PTBP3: variants seen among roughly 807,000 people sequenced by gnomAD.
The protein encoded by PTBP3 is polypyrimidine tract binding protein 3.
PTBP3 carries 20 observed loss-of-function variants against 58.7 expected under a neutral mutation model. That is an observed-to-expected ratio of 0.34 (90% CI 0.24 to 0.50). The LOEUF is 0.50. Among genes scored for constraint, PTBP3 ranks in the 20% least tolerant of loss-of-function variants. The probability of loss-of-function intolerance (pLI) is 0.98; values close to 1 mark genes in which losing one functional copy is unlikely to be tolerated. For synonymous variants in PTBP3, 185 were observed against 219.8 expected, an observed-to-expected ratio of 0.84 and a Z score of 1.40; for missense variants, 509 against 637.2, an observed-to-expected ratio of 0.80 and a Z score of 2.17.
the PTBP3 span, among the ~76,000 whole-genome samples, chr9:112,362,345 T>C: frequency 1.3e-5 from 2 of 152,186 alleles, no homozygotes; most frequent in African/African-American, 4.8e-5. Flanking sequence ...GCCCATTTTT[T>C]AGTTGGGTTG....
At chr9:112,263,035 T>C (rs550522490) in intron 4 of PTBP3, among the ~76,000 whole-genome samples, 1 of 152,218 alleles carries the variant, frequency 6.6e-6, no homozygotes, top group South Asian at 2.1e-4. Flanking sequence ...ATTCCAGAAC[T>C]GGGGCCCAGA....
the PTBP3 span, among the ~76,000 whole-genome samples, chr9:112,359,740 TTGCC>T: frequency 5.3e-5 from 8 of 151,832 alleles, no homozygotes; most frequent in Admixed American, 3.3e-4. Context: ...GAGGCGGAGG[TTGCC>T]GGGAGGCGGA....
intron 7 of PTBP3, among the ~76,000 whole-genome samples, chr9:112,249,815 G>C (rs953316008): frequency 1.3e-4 from 15 of 117,688 alleles, no homozygotes; most frequent in Non-Finnish European, 1.9e-4. Flanking sequence ...ACTTTAATTT[G>C]CCCCAGTATT....
intron 1 of PTBP3, among the ~76,000 whole-genome samples, chr9:112,328,413 C>A (rs561257551): frequency 4.5e-4 from 69 of 152,316 alleles, no homozygotes; most frequent in African/African-American, 1.6e-3. Flanking sequence ...ATAAGCTTAT[C>A]TTCTCTTCAG....
At position 112,219,441 on chromosome 9, in the gene PTBP3, C is replaced by T. The variant is rs1232494915; in HGVS notation, c.*4410G>A. Reference sequence around the variant, plus strand: ...AATGCTGATTTAAGCATGCCATAGGCATCTTTCAATTATGACTATGATCAC... The same window carrying T: ...AATGCTGATTTAAGCATGCCATAGGTATCTTTCAATTATGACTATGATCAC... On this transcript the variant is annotated 3_prime_UTR_variant, in exon 14 of 14. Coordinates refer to ENST00000374257, the MANE Select transcript of PTBP3 (RefSeq NM_001163788.4). The T allele has an allele frequency of 1.3e-5, 2 of 152,456 alleles. No homozygotes were observed. Among genetic ancestry groups the T allele is most frequent in the Non-Finnish European group, 1.5e-5 (1 of 68,042 alleles). The allele number at this position is 152,456 out of a possible 1,614,324, so 9.4% of individuals were successfully genotyped here.
rs770405044 is a variant in PTBP3 at position 112,227,413 on chromosome 9, A to C, written c.1362T>G (p.Ile454Met). ...TTAATAACTTATTAGGTACATACGG[A>C]ATGTTGGAAAGATGCAGAGTGGCTG... Reference protein sequence around the residue: ...PPSATLHLSNIPPSVTVDDLK... With the variant: ...PPSATLHLSNMPPSVTVDDLK... Residue 454 changes from isoleucine (I) to methionine (M), a missense_variant and splice_region_variant, in exon 12 of 14, where the codon ATT (isoleucine) becomes ATG (methionine). Physicochemically the swap from Ile to Met is conservative, Grantham distance 10 (BLOSUM62 1). Coordinates refer to ENST00000374257, the MANE Select transcript of PTBP3 (RefSeq NM_001163788.4). 6.2e-7 allele frequency: 1 copy of C among 1,612,532 alleles called. No homozygotes were observed. Among genetic ancestry groups the C allele is most frequent in the African/African-American group, 1.3e-5 (1 of 74,892 alleles).
chr9:112,286,013 G>C (rs191813438), intron 2 of PTBP3, among the ~76,000 whole-genome samples: 266 of 152,258 alleles, frequency 1.7e-3, no homozygotes, highest in African/African-American at 5.9e-3. Flanking sequence ...TCTATATTTA[G>C]ATTATGTCTA....
chr9:112,302,582 CTTTTTTTTTTTTT>C (rs369208342), intron 1 of PTBP3, among the ~76,000 whole-genome samples: 7 of 110,494 alleles, frequency 6.3e-5, no homozygotes, highest in Non-Finnish European at 7.2e-5. Flanking sequence ...TATTCTTCAT[CTTTTTTTTTTTTT>C]TTTTTTTTTT....
intron 1 of PTBP3, among the ~76,000 whole-genome samples, chr9:112,318,672 AT>A (rs1829801586): frequency 6.6e-6 from 1 of 152,028 alleles, no homozygotes; most frequent in Non-Finnish European, 1.5e-5. Context: ...GGGCAGGAGA[AT>A]CACTTGAACC....
At chr9:112,325,979 C>T (rs1029892725) in intron 1 of PTBP3, among the ~76,000 whole-genome samples, 6 of 151,694 alleles carry the variant, frequency 4.0e-5, no homozygotes, top group South Asian at 4.2e-4. Context: ...GATCACACCA[C>T]TGCACTCCAG....
At chr9:112,236,218 T>C (rs1835431984) in intron 7 of PTBP3, among the ~76,000 whole-genome samples, 1 of 152,102 alleles carries the variant, frequency 6.6e-6, no homozygotes, top group Non-Finnish European at 1.5e-5. Context: ...CACAAGAGAC[T>C]GCAGGGATAG....
chr9:112,319,184 A>T (rs1176491091), intron 1 of PTBP3, among the ~76,000 whole-genome samples: 1 of 151,776 alleles, frequency 6.6e-6, no homozygotes, highest in African/African-American at 2.4e-5. Flanking sequence ...AAAAAAAAAT[A>T]CTCAGAAATA....
At chr9:112,304,182 A>AG in intron 1 of PTBP3, among the ~76,000 whole-genome samples, 1 of 152,114 alleles carries the variant, frequency 6.6e-6, no homozygotes. Context: ...GAAAAAAAAA[A>AG]TGTATCCATT....
intron 1 of PTBP3, among the ~76,000 whole-genome samples, chr9:112,307,521 TATAAA>T (rs1421380312): frequency 6.6e-6 from 1 of 152,208 alleles, no homozygotes; most frequent in African/African-American, 2.4e-5. Context: ...TCATTCTTTA[TATAAA>T]ATAAACAAGA....
the PTBP3 span, among the ~76,000 whole-genome samples, chr9:112,345,565 A>G: frequency 6.6e-6 from 1 of 150,784 alleles, no homozygotes; most frequent in Non-Finnish European, 1.5e-5. Flanking sequence ...TTTTTTCAGT[A>G]GAGTTGGGGT....
the PTBP3 span, among the ~76,000 whole-genome samples, chr9:112,375,145 A>C: frequency 6.6e-6 from 1 of 152,186 alleles, no homozygotes; most frequent in South Asian, 2.1e-4. Context: ...CCACTTGATT[A>C]TTAAAATCCT....
chr9:112,371,337 A>G, the PTBP3 span, among the ~76,000 whole-genome samples: 1 of 152,218 alleles, frequency 6.6e-6, no homozygotes, highest in Non-Finnish European at 1.5e-5. Flanking sequence ...TTGCTGCCTC[A>G]TTCTACATCC....
At chr9:112,317,916 C>G (rs1402080754) in intron 1 of PTBP3, among the ~76,000 whole-genome samples, 1 of 152,168 alleles carries the variant, frequency 6.6e-6, no homozygotes, top group African/African-American at 2.4e-5. Context: ...GCACTCCAGC[C>G]TGGGTGACAG....
intron 1 of PTBP3, among the ~76,000 whole-genome samples, chr9:112,301,709 T>C (rs140031950): frequency 6.6e-6 from 1 of 152,296 alleles, no homozygotes; most frequent in Admixed American, 6.5e-5. Context: ...AATCTACATA[T>C]GCAATAAGAT....
Sources: allele counts gnomAD v4.1 joint callset (sites outside exome capture counted in the v4.1 genomes callset), GRCh38; gene constraint gnomAD v4.1.1; transcripts MANE v1.5; gene names NCBI Gene and HGNC (gene_info 2026-07-23, HGNC 2026-07-21).